DTNA: variants seen among roughly 807,000 people sequenced by gnomAD.
DTNA encodes the protein dystrophin-related protein 3.
DTNA carries 43 observed loss-of-function variants against 100.7 expected under a neutral mutation model. The ratio of observed to expected loss-of-function variants is 0.43; its 90% confidence interval spans 0.33 to 0.55. DTNA has a LOEUF of 0.55. Among genes scored for constraint, DTNA ranks in the 20% least tolerant of loss-of-function variants. DTNA has a pLI of 0.04. For synonymous variants in DTNA, 349 were observed against 347.9 expected (o/e 1.00, Z -0.04); for missense variants, 798 against 953.9 (o/e 0.84, Z 2.15).
Position 34,641,625 on chromosome 18 carries a change from C to A in DTNA, c.-1-114351C>A, listed in dbSNP as rs185632670. Among the ~76,000 whole-genome samples the A allele has an allele frequency of 3.9e-3, 590 of 152,294 alleles. 2 individuals carry two copies. The highest frequency in any genetic ancestry group is 0.017 in the Middle Eastern group (5 of 294). ...TATGAGATTCTTTTCTGGAGGAGTT[C>A]CTCCAATCCCTGGATTCAACCTATC... On this transcript the variant is annotated intron_variant, in intron 1 of 19. Transcript: ENST00000283365.
chr18:34,816,552 A>G (rs2095602134), intron 7 of DTNA, among the ~76,000 whole-genome samples: 1 of 152,214 alleles, frequency 6.6e-6, no homozygotes. Flanking sequence ...TCTAGGATAA[A>G]AGGAACTACT....
At position 34,766,007 on chromosome 18, in the gene DTNA, A is replaced by G. The variant is rs1005316955; in HGVS notation, c.114A>G (p.Ala38=). 3.7e-6 allele frequency: 6 copies of G among 1,613,730 alleles called. No individual in the cohort carries two copies. The highest frequency in any genetic ancestry group is 4.2e-6 in the Non-Finnish European group (5 of 1,179,772). Residue 38 remains alanine, a synonymous_variant, in exon 3 of 23, where the codon GCA becomes GCG. Transcript: ENST00000444659. ...DRIRLSTYRT[A]CKLRFVQKKC... ...TCCGACTCTCCACCTACAGAACAGC[A>G]TGCAAGCTTAGGTTTGTTCAGAAGA...
chr18:34,819,254 C>A (rs1763634962), intron 8 of DTNA, among the ~76,000 whole-genome samples: 1 of 152,148 alleles, frequency 6.6e-6, no homozygotes, highest in Non-Finnish European at 1.5e-5. Context: ...GAATATACAT[C>A]TTAAATCAAA....
At chr18:34,797,840 T>A (rs1602209342) in intron 4 of DTNA, among the ~76,000 whole-genome samples, 1 of 152,178 alleles carries the variant, frequency 6.6e-6, no homozygotes, top group Non-Finnish European at 1.5e-5. Flanking sequence ...TTATAGTGCA[T>A]GTCTGACTGT....
chr18:34,753,357 A>ATTTTTTTT (rs869151386), intron 1 of DTNA, among the ~76,000 whole-genome samples: 1 of 2,022 alleles, frequency 4.9e-4, no homozygotes, highest in African/African-American at 1.0e-3. Flanking sequence ...TTATTTATTT[A>ATTTTTTTT]TTTATTTTAT....
Position 34,771,586 on chromosome 18 carries a change from C to T in DTNA, c.148+5545C>T, listed in dbSNP as rs544377137. 8.5e-5 allele frequency among the ~76,000 whole-genome samples: 13 copies of T among 152,282 alleles called. No individual in the cohort carries two copies. In the East Asian group the frequency reaches 2.5e-3, roughly 29 times the overall value. On this transcript the variant is annotated intron_variant, in intron 3 of 22. Coordinates refer to ENST00000444659, the MANE Select transcript of DTNA (RefSeq NM_001386795.1). ...CAAATCGCTTCTTCCCCTTACCATT[C>T]ATCTTTGTACCCTGCCATACCTTCC...
At chr18:34,722,047 C>A (rs1410919725) in intron 1 of DTNA, among the ~76,000 whole-genome samples, 1 of 152,076 alleles carries the variant, frequency 6.6e-6, no homozygotes, top group Admixed American at 6.6e-5. Flanking sequence ...TATACTCCTT[C>A]CTAAAATGTT....
intron 1 of DTNA, among the ~76,000 whole-genome samples, chr18:34,691,646 T>C (rs1207532122): frequency 6.6e-6 from 1 of 152,220 alleles, no homozygotes; most frequent in Non-Finnish European, 1.5e-5. Flanking sequence ...TGGGTCTCAC[T>C]GCCTACCTTT....
intron 1 of DTNA, among the ~76,000 whole-genome samples, chr18:34,625,422 C>T (rs2057184907): frequency 6.6e-6 from 1 of 152,178 alleles, no homozygotes; most frequent in African/African-American, 2.4e-5. Context: ...ATCTGCCTGC[C>T]TCAGCTTCCC....
At chr18:34,753,777 A>G (rs971531393) in intron 1 of DTNA, among the ~76,000 whole-genome samples, 3 of 152,172 alleles carry the variant, frequency 2.0e-5, no homozygotes, top group Admixed American at 1.3e-4. Context: ...TACTGCCTCA[A>G]GTCTACTTCT....
intron 11 of DTNA, among the ~76,000 whole-genome samples, chr18:34,829,894 C>T (rs2095961091): frequency 6.6e-6 from 1 of 152,164 alleles, no homozygotes; most frequent in Non-Finnish European, 1.5e-5. Flanking sequence ...TGTAGCTGGA[C>T]CTCTTTGCAG....
At chr18:34,498,068 GT>G (rs1434445924) in intron 1 of DTNA, among the ~76,000 whole-genome samples, 1 of 151,886 alleles carries the variant, frequency 6.6e-6, no homozygotes, top group Non-Finnish European at 1.5e-5. Context: ...ATCACCTGAG[GT>G]CAGGAGTTCG....
intron 1 of DTNA, among the ~76,000 whole-genome samples, chr18:34,739,075 T>A (rs2090157460): frequency 6.6e-6 from 1 of 152,252 alleles, no homozygotes; most frequent in African/African-American, 2.4e-5. Flanking sequence ...CCTCCCTCCC[T>A]GCTCTAGTAA....
At chr18:34,622,006 AG>A (rs2056588858) in intron 1 of DTNA, among the ~76,000 whole-genome samples, 1 of 152,146 alleles carries the variant, frequency 6.6e-6, no homozygotes, top group African/African-American at 2.4e-5. Context: ...AAGGGTGGGC[AG>A]AGGGGAGGAA....
chr18:34,647,457 T>C (rs553083584), intron 1 of DTNA, among the ~76,000 whole-genome samples: 2 of 152,146 alleles, frequency 1.3e-5, no homozygotes, highest in African/African-American at 2.4e-5. Flanking sequence ...TAGAAGTACC[T>C]CGTATCACCT....
intron 1 of DTNA, among the ~76,000 whole-genome samples, chr18:34,520,584 G>A (rs2042058685): frequency 6.6e-6 from 1 of 152,068 alleles, no homozygotes; most frequent in Non-Finnish European, 1.5e-5. Context: ...AACGCTGGAG[G>A]CAAAGGTTGC....
At chr18:34,532,887 A>G (rs1461516677) in intron 1 of DTNA, among the ~76,000 whole-genome samples, 1 of 151,948 alleles carries the variant, frequency 6.6e-6, no homozygotes, top group Non-Finnish European at 1.5e-5. Context: ...TTGAAGGTGG[A>G]AAGGTGAGGA....
At chr18:34,595,866 T>G (rs2050492955) in intron 1 of DTNA, among the ~76,000 whole-genome samples, 1 of 152,200 alleles carries the variant, frequency 6.6e-6, no homozygotes, top group South Asian at 2.1e-4. Context: ...CAACTCCTGA[T>G]GTTCCCTGAA....
intron 5 of DTNA, among the ~76,000 whole-genome samples, chr18:34,808,773 G>T (rs538358608): frequency 6.6e-6 from 1 of 152,278 alleles, no homozygotes; most frequent in East Asian, 1.9e-4. Flanking sequence ...AGTGGCCAAA[G>T]TCTATCCTCT....
Sources: gnomAD v4.1 joint callset for allele counts (sites outside exome capture counted in the v4.1 genomes callset) on GRCh38, gnomAD v4.1.1 for gene constraint, MANE v1.5 for transcripts, NCBI Gene and HGNC (gene_info 2026-07-23, HGNC 2026-07-21) for gene names.